The following FAF1 variants were observed in gnomAD, a reference collection of about 807,000 sequenced individuals.
FAF1 encodes Fas associated factor 1.
Under a neutral mutation model 92.5 loss-of-function variants are expected in FAF1, and 25 were observed. The observed-to-expected ratio is 0.27, with a 90% CI of 0.20 to 0.38. The LOEUF (loss-of-function observed/expected upper bound fraction) is 0.38. Ranked by LOEUF, FAF1 falls within the 10% of genes least tolerant of loss-of-function variation. The probability of loss-of-function intolerance (pLI) is 1.00; values close to 1 mark genes in which losing one functional copy is unlikely to be tolerated. For synonymous variants in FAF1, 234 were observed against 273.2 expected, an observed-to-expected ratio of 0.86 and a Z score of 1.42; for missense variants, 636 against 793.3, an observed-to-expected ratio of 0.80 and a Z score of 2.38.
At chr1:50,717,869 T>C (rs1017303955) in intron 6 of FAF1, among the ~76,000 whole-genome samples, 3 of 152,258 alleles carry the variant, frequency 2.0e-5, no homozygotes, top group Admixed American at 6.5e-5. Flanking sequence ...TGTATGTTTA[T>C]TGTATATGAA....
chr1:50,871,263 G>T (rs1327156397), intron 1 of FAF1, among the ~76,000 whole-genome samples: 2 of 152,240 alleles, frequency 1.3e-5, no homozygotes, highest in African/African-American at 2.4e-5. Flanking sequence ...GAAGCAGCAA[G>T]TGCTGATGTA....
chr1:50,728,391 A>G (rs1406915893), intron 6 of FAF1, among the ~76,000 whole-genome samples: 1 of 152,228 alleles, frequency 6.6e-6, no homozygotes, highest in African/African-American at 2.4e-5. Context: ...AGCCAGAGGG[A>G]CAGCGATAAA....
chr1:50,931,574 A>G (rs1420907513), intron 1 of FAF1, among the ~76,000 whole-genome samples: 1 of 152,152 alleles, frequency 6.6e-6, no homozygotes, highest in Non-Finnish European at 1.5e-5. Flanking sequence ...CACTATCACA[A>G]GAATAGCACG....
intron 6 of FAF1, among the ~76,000 whole-genome samples, chr1:50,737,171 G>A (rs1308578773): frequency 6.6e-6 from 1 of 152,168 alleles, no homozygotes; most frequent in East Asian, 1.9e-4. Flanking sequence ...AAATAGAGAA[G>A]TATATTTTAA....
At chr1:50,586,465 C>A (rs1286774737) in intron 9 of FAF1, among the ~76,000 whole-genome samples, 2 of 152,148 alleles carry the variant, frequency 1.3e-5, no homozygotes, top group Non-Finnish European at 2.9e-5. Flanking sequence ...CTTGGGCATA[C>A]CCAAGCATTA....
intron 9 of FAF1, among the ~76,000 whole-genome samples, chr1:50,595,087 T>A (rs1177029750): frequency 1.3e-5 from 2 of 151,840 alleles, no homozygotes; most frequent in Non-Finnish European, 2.9e-5. Context: ...GGAATTTCAC[T>A]CTTGTTGCCC....
intron 1 of FAF1, among the ~76,000 whole-genome samples, chr1:50,865,821 TA>T (rs1164224218): frequency 1.4e-5 from 2 of 146,212 alleles, no homozygotes; most frequent in Non-Finnish European, 1.5e-5. Context: ...ACATGTACCC[TA>T]AAACTTAAAG....
chr1:50,531,699 T>A (rs761713892), intron 15 of FAF1, among the ~76,000 whole-genome samples: 21 of 152,252 alleles, frequency 1.4e-4, no homozygotes, highest in Middle Eastern at 3.4e-3. Context: ...CTATAGGCAG[T>A]TCTGTCAAAA....
At chr1:50,780,873 A>G in intron 4 of FAF1, 1 of 473,464 alleles carries the variant, frequency 2.1e-6, no homozygotes. Flanking sequence ...GAGGAGTCAC[A>G]GAAGTGGTGG....
intron 2 of FAF1, chr1:50,846,392 C>T (rs979764494): frequency 9.4e-5 from 33 of 350,012 alleles, no homozygotes; most frequent in Middle Eastern, 9.6e-4. Flanking sequence ...TCCAGGTCCC[C>T]GCCATCCCTG....
intron 1 of FAF1, among the ~76,000 whole-genome samples, chr1:50,896,783 G>A (rs1384057085): frequency 6.6e-6 from 1 of 152,214 alleles, no homozygotes; most frequent in African/African-American, 2.4e-5. Flanking sequence ...AGACAATGGT[G>A]TGAGGGGCAT....
At chr1:50,906,116 C>T (rs1234271939) in intron 1 of FAF1, among the ~76,000 whole-genome samples, 1 of 152,154 alleles carries the variant, frequency 6.6e-6, no homozygotes, top group Admixed American at 6.5e-5. Context: ...GTTTTCCCAG[C>T]ACCATTTATT....
intron 8 of FAF1, among the ~76,000 whole-genome samples, chr1:50,613,363 T>C (rs1652764357): frequency 6.6e-6 from 1 of 152,164 alleles, no homozygotes; most frequent in African/African-American, 2.4e-5. Flanking sequence ...AAAGACCAAA[T>C]TTACCTTCAA....
chr1:50,934,638 C>T (rs754022757), intron 1 of FAF1, among the ~76,000 whole-genome samples: 51 of 152,140 alleles, frequency 3.4e-4, no homozygotes, highest in Non-Finnish European at 6.2e-4. Flanking sequence ...ACAGAAGGAT[C>T]ACATGAGCCC....
intron 18 of FAF1, among the ~76,000 whole-genome samples, chr1:50,443,007 G>A (rs989484365): frequency 1.3e-5 from 2 of 152,154 alleles, no homozygotes; most frequent in African/African-American, 4.8e-5. Context: ...GCTGGCAAAT[G>A]TTTACCCACT....
chr1:50,490,464 A>AGGAAAG, intron 17 of FAF1, 124 bp downstream of exon 17: 3 of 574,816 alleles, frequency 5.2e-6, no homozygotes, highest in Non-Finnish European at 9.3e-6. Flanking sequence ...AGGAAGGAAA[A>AGGAAAG]AGAAAGAAGG....
At chr1:50,621,843 A>G (rs1653226903) in intron 8 of FAF1, among the ~76,000 whole-genome samples, 1 of 152,054 alleles carries the variant, frequency 6.6e-6, no homozygotes, top group South Asian at 2.1e-4. Context: ...CATGCCGACC[A>G]CACTCCTGTC....
chr1:50,494,952 A>G (rs1017532424), intron 15 of FAF1, among the ~76,000 whole-genome samples: 2 of 152,172 alleles, frequency 1.3e-5, no homozygotes, highest in Non-Finnish European at 2.9e-5. Context: ...TGTTAGAATT[A>G]TAATTTACTT....
chr1:50,743,801 A>G (rs1659483064), intron 5 of FAF1, among the ~76,000 whole-genome samples: 1 of 152,026 alleles, frequency 6.6e-6, no homozygotes, highest in Non-Finnish European at 1.5e-5. Context: ...GCCCAGGTGC[A>G]GCAGCTCACA....
Sources: gnomAD v4.1 joint callset for allele counts (sites outside exome capture counted in the v4.1 genomes callset) on GRCh38, gnomAD v4.1.1 for gene constraint, MANE v1.5 for transcripts, NCBI Gene and HGNC (gene_info 2026-07-23, HGNC 2026-07-21) for gene names.